The following CDKN2B-AS1 variants were observed in gnomAD, a reference collection of about 807,000 sequenced individuals.
CDKN2B-AS1 encodes the protein CDKN2B and CDKN2A antisense cis and trans regulatory RNA 1, also known as CDKN2B antisense RNA 1 (non-protein coding).
chr9:22,055,612 T>G (rs763205594), intron 3 of CDKN2B-AS1, among the ~76,000 whole-genome samples: 1 of 152,230 alleles, frequency 6.6e-6, no homozygotes, highest in Non-Finnish European at 1.5e-5. Flanking sequence ...ACCTTGGTTT[T>G]CTGTGATTGA....
At chr9:22,120,025 A>G (rs986232965) in intron 4 of CDKN2B-AS1, 3 of 152,222 alleles carry the variant, frequency 2.0e-5, no homozygotes, top group Non-Finnish European at 4.4e-5. Context: ...GGGCACTGAT[A>G]TTAAACCTTT....
At chr9:22,079,215 G>A (rs945817206) in intron 4 of CDKN2B-AS1, among the ~76,000 whole-genome samples, 7 of 152,244 alleles carry the variant, frequency 4.6e-5, no homozygotes, top group Non-Finnish European at 1.0e-4. Context: ...CGGGTGCAGT[G>A]GCTCACGCCT....
chr9:22,058,234 A>T (rs573758821), intron 4 of CDKN2B-AS1: 2 of 152,422 alleles, frequency 1.3e-5, no homozygotes, highest in East Asian at 3.9e-4. Flanking sequence ...CCAGTATTGA[A>T]AATAGATTGC....
At chr9:22,064,755 C>T (rs1823971330) in intron 4 of CDKN2B-AS1, among the ~76,000 whole-genome samples, 2 of 152,014 alleles carry the variant, frequency 1.3e-5, no homozygotes, top group East Asian at 1.9e-4. Flanking sequence ...GGCCTGTTCT[C>T]CCTGGGGTGG....
chr9:22,103,239 A>G (rs1258936388), intron 4 of CDKN2B-AS1, among the ~76,000 whole-genome samples: 2 of 151,518 alleles, frequency 1.3e-5, no homozygotes, highest in African/African-American at 4.9e-5. Flanking sequence ...ACATATCCCA[A>G]CTATGACTGG....
intron 4 of CDKN2B-AS1, among the ~76,000 whole-genome samples, chr9:22,074,047 G>C (rs765155400): frequency 1.2e-4 from 18 of 151,926 alleles, no homozygotes; most frequent in Non-Finnish European, 2.5e-4. Flanking sequence ...TATTTTTGTA[G>C]AGATGGGGTT....
At chr9:22,009,121 T>A in intron 1 of CDKN2B-AS1, 2 of 961,980 alleles carry the variant, frequency 2.1e-6, no homozygotes, top group Non-Finnish European at 3.2e-6. Context: ...TGGGGCCCCG[T>A]GCAGTGGCCG....
intron 4 of CDKN2B-AS1, among the ~76,000 whole-genome samples, chr9:22,091,761 T>C (rs954473662): frequency 6.6e-6 from 1 of 152,220 alleles, no homozygotes; most frequent in African/African-American, 2.4e-5. Flanking sequence ...AATCATGTCA[T>C]CTGCAAACAG....
intron 1 of CDKN2B-AS1, among the ~76,000 whole-genome samples, chr9:22,007,435 A>T (rs1490525100): frequency 6.6e-6 from 1 of 152,214 alleles, no homozygotes; most frequent in Non-Finnish European, 1.5e-5. Context: ...TAACTTAGAA[A>T]AAATGATGTT....
At chr9:22,024,600 AC>A (rs980086944) in intron 1 of CDKN2B-AS1, among the ~76,000 whole-genome samples, 1 of 152,184 alleles carries the variant, frequency 6.6e-6, no homozygotes, top group African/African-American at 2.4e-5. Context: ...AGAGTGAGGC[AC>A]TGGCAGCTGC....
chr9:22,127,645 G>GA (rs1563996525), exon 5 of CDKN2B-AS1, among the ~76,000 whole-genome samples: 1 of 152,138 alleles, frequency 6.6e-6, no homozygotes, highest in Non-Finnish European at 1.5e-5. Context: ...TCTGGGCGGG[G>GA]TAAAAGGAAG....
rs1335224128 is a variant in CDKN2B-AS1, at chr9:22,000,650, G to C, written n.29+5489G>C. Among the ~76,000 whole-genome samples the C allele has an allele frequency of 6.6e-6, 1 of 152,136 alleles. No individual in the cohort carries two copies. The highest frequency in any genetic ancestry group is 2.1e-4 in the South Asian group (1 of 4,828). ...CAGTCACCCTCTAGAAGAAAACTCT[G>C]TGTTGACAATAATCTGCTGACTTGT... On this transcript the variant is annotated intron_variant and non_coding_transcript_variant, in intron 1 of 4. Transcript: ENST00000650946. The surrounding 1 kb of genome is among the most constrained non-coding windows in gnomAD (Gnocchi z 4.1).
intron 4 of CDKN2B-AS1, among the ~76,000 whole-genome samples, chr9:22,074,273 T>G (rs575930819): frequency 6.6e-6 from 1 of 152,200 alleles, no homozygotes; most frequent in Admixed American, 6.5e-5. Flanking sequence ...TATATTGTTT[T>G]GGTAAAACTA....
chr9:22,056,948 A>T (rs1347804872), intron 4 of CDKN2B-AS1, among the ~76,000 whole-genome samples: 11 of 152,148 alleles, frequency 7.2e-5, no homozygotes, highest in Admixed American at 7.2e-4. Flanking sequence ...TTAATTAATG[A>T]ACCTGACATT....
At chr9:22,125,221 T>C (rs1041007675) in intron 4 of CDKN2B-AS1, among the ~76,000 whole-genome samples, 8 of 152,188 alleles carry the variant, frequency 5.3e-5, no homozygotes, top group Middle Eastern at 3.2e-3. Context: ...CTGTTACTAC[T>C]GAAGAAGTAA....
rs756486241 is a variant in CDKN2B-AS1, at chr9:22,000,572, A to C, written n.29+5411A>C. On this transcript the variant is annotated intron_variant and non_coding_transcript_variant, in intron 1 of 4. Coordinates refer to ENST00000650946, the Ensembl canonical transcript of CDKN2B-AS1. The surrounding 1 kb of genome is among the most constrained non-coding windows in gnomAD (Gnocchi z 4.1). ...TGCCCTAGGAAAGGTGATAGAGCTT[A>C]GAAACTCAGAACTCAGATGGAATGA... is the stretch of plus-strand genomic sequence containing the variant. Among the ~76,000 whole-genome samples the C allele has an allele frequency of 6.6e-6, 1 of 152,140 alleles. No individual in the cohort carries two copies. Among genetic ancestry groups the C allele is most frequent in the Non-Finnish European group, 1.5e-5 (1 of 68,006 alleles).
intron 4 of CDKN2B-AS1, among the ~76,000 whole-genome samples, chr9:22,086,955 C>CTATGT (rs1226889457): frequency 1.3e-5 from 2 of 152,234 alleles, no homozygotes; most frequent in African/African-American, 4.8e-5. Flanking sequence ...TTAATGCACA[C>CTATGT]TATGGCAAGC....
At chr9:22,034,599 C>T (rs556950539) in intron 1 of CDKN2B-AS1, among the ~76,000 whole-genome samples, 1 of 152,262 alleles carries the variant, frequency 6.6e-6, no homozygotes, top group South Asian at 2.1e-4. Context: ...TCCCATTTCT[C>T]AGAATTTCAT....
At chr9:22,107,623 G>A (rs1022634331) in intron 4 of CDKN2B-AS1, among the ~76,000 whole-genome samples, 5 of 152,150 alleles carry the variant, frequency 3.3e-5, no homozygotes, top group African/African-American at 9.7e-5. Context: ...GCCTTGGAGC[G>A]GATGACCTAA....
Sources: allele counts gnomAD v4.1 joint callset (sites outside exome capture counted in the v4.1 genomes callset), GRCh38; gene constraint gnomAD v4.1.1; non-coding constraint Gnocchi (gnomAD v3.1); transcripts MANE v1.5; gene names NCBI Gene and HGNC (gene_info 2026-07-23, HGNC 2026-07-21).